The following CRY1 variants were observed in gnomAD, a reference collection of about 807,000 sequenced individuals.
The protein encoded by CRY1 is cryptochrome-1.
A neutral mutation model predicts 76.0 loss-of-function variants in CRY1; 45 were observed. That is an observed-to-expected ratio of 0.59 (90% CI 0.47 to 0.76). The LOEUF is 0.76. CRY1 is among the 30% of genes least tolerant of loss of function. The pLI is 0.00. For synonymous variants in CRY1, 248 were observed against 244.0 expected (o/e 1.02, Z -0.15); for missense variants, 587 against 716.4 (o/e 0.82, Z 2.06).
At chr12:107,063,046 G>A (rs1462099460) in intron 1 of CRY1, among the ~76,000 whole-genome samples, 1 of 152,006 alleles carries the variant, frequency 6.6e-6, no homozygotes, top group African/African-American at 2.4e-5. Context: ...GTATTTCATG[G>A]TGTTCTCTTT....
intron 1 of CRY1, among the ~76,000 whole-genome samples, chr12:107,026,160 T>TATATATATATATTACATCTATATCTAAA (rs1166056898): frequency 1.3e-5 from 1 of 75,910 alleles, no homozygotes; most frequent in Admixed American, 1.9e-4. Flanking sequence ...ATATATAAAA[T>TATATATATATATTACATCTATATCTAAA]ATATATATAT....
intron 5 of CRY1, 135 bp from the exon 6 acceptor site, chr12:107,000,217 G>T: frequency 1.1e-6 from 1 of 869,832 alleles, no homozygotes; most frequent in Non-Finnish European, 1.7e-6. Flanking sequence ...CAAATTACAT[G>T]TTTTAATAAA....
intron 1 of CRY1, chr12:107,050,184 G>A (rs1052104166): frequency 1.3e-5 from 2 of 152,086 alleles, no homozygotes; most frequent in African/African-American, 4.8e-5. Context: ...TGGAAAGGTA[G>A]AGAGAAAAAC....
In CRY1 at chr12:106,998,050, A is replaced by G; in HGVS notation, c.1154T>C (p.Leu385Ser). The G allele has an allele frequency of 6.2e-7, 1 of 1,614,072 alleles. No homozygotes were observed. Among genetic ancestry groups the G allele is most frequent in the Non-Finnish European group, 8.5e-7 (1 of 1,179,990 alleles). ...ATTTATGCTCCAATCTGCATCAAGC[A>G]ATAATTCTTCAAATACCTTCAGAAG... ...EEGMKVFEEL[L>S]LDADWSINAG... Residue 385 changes from leucine (L) to serine (S), a missense_variant, in exon 8 of 13, where the codon TTG becomes TCG. Physicochemically the swap from Leu to Ser is moderately radical, Grantham distance 145. Transcript: ENST00000008527.
intron 1 of CRY1, among the ~76,000 whole-genome samples, chr12:107,057,547 A>G (rs1045147801): frequency 6.6e-6 from 1 of 152,158 alleles, no homozygotes; most frequent in African/African-American, 2.4e-5. Context: ...GTAAAACTGC[A>G]AAAACAAACA....
At chr12:107,077,032 CT>C (rs1953263550) in intron 1 of CRY1, among the ~76,000 whole-genome samples, 1 of 152,122 alleles carries the variant, frequency 6.6e-6, no homozygotes, top group Non-Finnish European at 1.5e-5. Flanking sequence ...GACCTCTTTT[CT>C]TTATATATAA....
At chr12:107,051,212 GA>G (rs1490509483) in intron 1 of CRY1, among the ~76,000 whole-genome samples, 1 of 152,072 alleles carries the variant, frequency 6.6e-6, no homozygotes, top group Non-Finnish European at 1.5e-5. Flanking sequence ...GTTATGTAGA[GA>G]AAAAACAAAC....
intron 1 of CRY1, among the ~76,000 whole-genome samples, chr12:107,059,312 C>G (rs1413294231): frequency 1.3e-5 from 2 of 152,056 alleles, no homozygotes; most frequent in Non-Finnish European, 1.5e-5. Flanking sequence ...AGTGCAGTAG[C>G]ATGATCACAG....
chr12:107,038,757 A>C (rs1455724306), intron 1 of CRY1, among the ~76,000 whole-genome samples: 1 of 152,218 alleles, frequency 6.6e-6, no homozygotes, highest in Non-Finnish European at 1.5e-5. Flanking sequence ...GTGAGAAACA[A>C]ACTAGTTGAG....
Position 106,991,751 on chromosome 12 carries a change from G to A in CRY1, c.*251C>T, listed in dbSNP as rs1952182657. The A allele has an allele frequency of 6.6e-6, 1 of 152,148 alleles. No homozygotes were observed. The highest frequency in any genetic ancestry group is 2.4e-5 in the African/African-American group (1 of 41,256). The allele number at this position is 152,148 out of a possible 1,614,324, so 9.4% of individuals were successfully genotyped here. A position where few individuals can be genotyped will look rare whatever the true frequency, so the allele number is the denominator to read the frequency against. ...AAAAATTATCAAAAATATATCGATG[G>A]GTCTATACTAATTGTGACTGTTTAT... On this transcript the variant is annotated 3_prime_UTR_variant, in exon 13 of 13. Coordinates refer to ENST00000008527, the MANE Select transcript of CRY1 (RefSeq NM_004075.5).
At chr12:107,002,181 T>TAC (rs1220537390) in intron 3 of CRY1, among the ~76,000 whole-genome samples, 1 of 152,096 alleles carries the variant, frequency 6.6e-6, no homozygotes, top group Non-Finnish European at 1.5e-5. Flanking sequence ...ACAAATATAC[T>TAC]ACACAAATAT....
intron 1 of CRY1, among the ~76,000 whole-genome samples, chr12:107,070,618 C>G (rs1277662571): frequency 6.6e-6 from 1 of 151,772 alleles, no homozygotes; most frequent in East Asian, 1.9e-4. Context: ...TTCTCTGCAC[C>G]TAAGGCTAAT....
intron 1 of CRY1, among the ~76,000 whole-genome samples, chr12:107,030,306 A>G (rs1952661228): frequency 6.6e-6 from 1 of 152,206 alleles, no homozygotes; most frequent in South Asian, 2.1e-4. Flanking sequence ...AAAATGATGG[A>G]ATCTGAAACT....
At chr12:107,049,615 TG>T (rs1186108961) in intron 1 of CRY1, among the ~76,000 whole-genome samples, 7 of 152,178 alleles carry the variant, frequency 4.6e-5, no homozygotes, top group Non-Finnish European at 1.0e-4. Context: ...TGACCTCAAG[TG>T]ATCTCCCTAC....
chr12:107,009,587 TATATATATATATATAA>T lies in CRY1; in HGVS notation c.268-4355_268-4340del, dbSNP rs1360595175. ...ACATATATATATATATATATATATA[TATATATATATATATAA>T]AATCTCTATATCTCCAGGTTCACGG... On this transcript the variant is annotated intron_variant, in intron 2 of 12. Transcript: ENST00000008527. 2.0e-3 allele frequency among the ~76,000 whole-genome samples: 169 copies of T among 84,134 alleles called. 3 individuals carry two copies. Among genetic ancestry groups the T allele is most frequent in the African/African-American group, 8.4e-3 (92 of 10,964 alleles). 55.2% of individuals were successfully genotyped at this position (84,134 alleles called of 152,430 possible). A position where few individuals can be genotyped will look rare whatever the true frequency, so the allele number is the denominator to read the frequency against.
Position 106,991,773 on chromosome 12 carries a change from T to C in CRY1, c.*229A>G, listed in dbSNP as rs1463611887. The C allele has an allele frequency of 2.0e-5, 3 of 152,618 alleles. No homozygotes were observed. Among genetic ancestry groups the C allele is most frequent in the Non-Finnish European group, 4.4e-5 (3 of 67,996 alleles). The allele number at this position is 152,618 out of a possible 1,614,324, so 9.5% of individuals were successfully genotyped here. Reference sequence around the variant, plus strand: ...ATGGGTCTATACTAATTGTGACTGTTTATATTTACATTAAGCAAATTCTCT... The same window carrying C: ...ATGGGTCTATACTAATTGTGACTGTCTATATTTACATTAAGCAAATTCTCT... On this transcript the variant is annotated 3_prime_UTR_variant, in exon 13 of 13. Coordinates refer to ENST00000008527, the MANE Select transcript of CRY1 (RefSeq NM_004075.5).
chr12:107,005,182 C>T lies in CRY1; in HGVS notation c.334G>A (p.Ala112Thr). The change falls in exon 3 of 13, where the codon GCT becomes ACT. Residue 112 changes from alanine to threonine, a missense_variant. Coordinates refer to ENST00000008527, the MANE Select transcript of CRY1 (RefSeq NM_004075.5). ...SEPFGKERDAAIKKLATEAGV... is the reference protein window; with the variant it reads ...SEPFGKERDATIKKLATEAGV... Reference sequence around the variant, plus strand: ...GCTTCAGTTGCCAGTTTCTTAATAGCTGCGTCTCGTTCCTTTCCAAAGGGC... The same window carrying T: ...GCTTCAGTTGCCAGTTTCTTAATAGTTGCGTCTCGTTCCTTTCCAAAGGGC... 1 of 1,613,552 alleles carries T rather than the reference C, an allele frequency of 6.2e-7. No individual in the cohort carries two copies. The highest frequency in any genetic ancestry group is 8.5e-7 in the Non-Finnish European group (1 of 1,179,840).
Position 107,028,761 on chromosome 12 carries a change from T to G in CRY1, c.159-6569A>C, listed in dbSNP as rs914933548. ...ACAGCTACAAAACAGACTAACACAG[T>G]TGTGTTACTGGCGACTCAAACATCA... On this transcript the variant is annotated intron_variant, in intron 1 of 12. Transcript: ENST00000008527. Among the ~76,000 whole-genome samples, 222 of 152,172 alleles carry G rather than the reference T, an allele frequency of 1.5e-3. 4 individuals are homozygous for G. The highest frequency in any genetic ancestry group is 1.6e-4 in the Non-Finnish European group (11 of 68,020).
intron 2 of CRY1, among the ~76,000 whole-genome samples, chr12:107,008,665 T>C (rs1217583147): frequency 1.3e-5 from 2 of 152,220 alleles, no homozygotes; most frequent in Non-Finnish European, 2.9e-5. Flanking sequence ...CAAATTGCTA[T>C]TTAGCACTTG....
Sources: allele counts gnomAD v4.1 joint callset (sites outside exome capture counted in the v4.1 genomes callset), GRCh38; gene constraint gnomAD v4.1.1; transcripts MANE v1.5; gene names NCBI Gene and HGNC (gene_info 2026-07-23, HGNC 2026-07-21).